The following GCNT1 variants were observed in gnomAD, a reference collection of about 807,000 sequenced individuals.
GCNT1 encodes the protein beta-1,3-galactosyl-O-glycosyl-glycoprotein beta-1,6-N-acetylglucosaminyltransferase.
Under a neutral mutation model 26.2 loss-of-function variants are expected in GCNT1, and 16 were observed. That is an observed-to-expected ratio of 0.61 (90% CI 0.41 to 0.93). The LOEUF (loss-of-function observed/expected upper bound fraction) is 0.93. Among genes scored for constraint, GCNT1 ranks in the 40% least tolerant of loss-of-function variants. The probability of loss-of-function intolerance (pLI) is 0.00; values close to 1 mark genes in which losing one functional copy is unlikely to be tolerated. For missense variants in GCNT1, 477 were observed against 526.7 expected (o/e 0.91, Z 0.92); for synonymous variants, 183 against 190.8 (o/e 0.96, Z 0.34).
At position 76,504,934 on chromosome 9, in the gene GCNT1, A is replaced by G; in HGVS notation, c.*1266A>G. The stretch of plus-strand genomic sequence containing the variant: ...ACAGATTTTTTTTTTTGTTTTTGGT[A>G]TCATTCACAGCATACGATTTTTACT... On this transcript the variant is annotated 3_prime_UTR_variant, in exon 4 of 4. Coordinates refer to ENST00000376730, the MANE Select transcript of GCNT1 (RefSeq NM_001490.5). The G allele has an allele frequency of 2.4e-6, 1 of 412,810 alleles. No individual in the cohort carries two copies. The highest frequency in any genetic ancestry group is 4.4e-6 in the Non-Finnish European group (1 of 226,014). 25.6% of individuals were successfully genotyped at this position (412,810 alleles called of 1,614,324 possible).
upstream of GCNT1, among the ~76,000 whole-genome samples, chr9:76,455,688 G>T (rs867512345): frequency 6.6e-6 from 1 of 151,916 alleles, no homozygotes; most frequent in South Asian, 2.1e-4. Context: ...TGGAACCTCC[G>T]CCTCCCAGAT....
the GCNT1 span, among the ~76,000 whole-genome samples, chr9:76,405,916 A>C: frequency 6.6e-6 from 1 of 152,220 alleles, no homozygotes; most frequent in Non-Finnish European, 1.5e-5. Context: ...CAAATAATAC[A>C]ATTGCTGGAT....
the GCNT1 span, among the ~76,000 whole-genome samples, chr9:76,414,048 G>C: frequency 6.6e-6 from 1 of 152,232 alleles, no homozygotes; most frequent in African/African-American, 2.4e-5. Context: ...TCTAATATTT[G>C]TCTTTGATTC....
chr9:76,485,094 C>A (rs1347900192), intron 2 of GCNT1, among the ~76,000 whole-genome samples: 7 of 152,104 alleles, frequency 4.6e-5, no homozygotes, highest in Admixed American at 1.3e-4. Flanking sequence ...ACCATGATTT[C>A]TTTTATTGTA....
chr9:76,461,592 A>AC (rs1050910459), intron 2 of GCNT1, among the ~76,000 whole-genome samples: 51 of 149,194 alleles, frequency 3.4e-4, no homozygotes, highest in East Asian at 2.4e-3. Context: ...CAAAAAAAAA[A>AC]ACACACACAA....
At chr9:76,478,850 A>G (rs1431357708) in intron 2 of GCNT1, among the ~76,000 whole-genome samples, 1 of 152,226 alleles carries the variant, frequency 6.6e-6, no homozygotes, top group Non-Finnish European at 1.5e-5. Flanking sequence ...TTCTAGCAAT[A>G]CATTTTATTT....
At chr9:76,466,309 T>A (rs780197953) in intron 2 of GCNT1, among the ~76,000 whole-genome samples, 18 of 152,136 alleles carry the variant, frequency 1.2e-4, no homozygotes, top group Non-Finnish European at 2.4e-4. Context: ...GGGATTTTGT[T>A]TGTTTTGTTT....
At chr9:76,485,929 C>T (rs1388276544) in intron 2 of GCNT1, among the ~76,000 whole-genome samples, 7 of 152,124 alleles carry the variant, frequency 4.6e-5, no homozygotes, top group South Asian at 2.1e-4. Flanking sequence ...GATGAGGTTT[C>T]GCCATATCGG....
rs181904408 is a variant in GCNT1 at position 76,506,430 on chromosome 9, G to T, written c.*2762G>T. 15 of 166,818 alleles carry T rather than the reference G, an allele frequency of 9.0e-5. No individual in the cohort carries two copies. Among genetic ancestry groups the T allele is most frequent in the African/African-American group, 3.6e-4 (15 of 41,542 alleles). 10.3% of individuals were successfully genotyped at this position (166,818 alleles called of 1,614,324 possible). A position where few individuals can be genotyped will look rare whatever the true frequency, so the allele number is the denominator to read the frequency against. On this transcript the variant is annotated 3_prime_UTR_variant, in exon 4 of 4. Transcript: ENST00000376730. Reference sequence around the variant, plus strand: ...TTGCACCTGTAATCCCAGTTACCTGGGAGGCTGAGGCAGGAGAATCTCTTG... The same window carrying T: ...TTGCACCTGTAATCCCAGTTACCTGTGAGGCTGAGGCAGGAGAATCTCTTG...
At chr9:76,394,221 G>T in the GCNT1 span, 1 of 1,539,968 alleles carries the variant, frequency 6.5e-7, no homozygotes, top group Admixed American at 2.0e-5. Context: ...CGCGTCCTGC[G>T]GAGCCGCCGT....
the GCNT1 span, among the ~76,000 whole-genome samples, chr9:76,414,287 A>G: frequency 6.6e-6 from 1 of 152,250 alleles, no homozygotes; most frequent in South Asian, 2.1e-4. Context: ...GACACCTTTC[A>G]ACAAAACAAC....
chr9:76,396,696 G>C, the GCNT1 span, among the ~76,000 whole-genome samples: 1 of 152,030 alleles, frequency 6.6e-6, no homozygotes, highest in African/African-American at 2.4e-5. Context: ...ACAAAAATTA[G>C]CCGGGAGTGG....
At chr9:76,455,312 T>G (rs546831264), upstream of GCNT1, among the ~76,000 whole-genome samples, 1 of 152,184 alleles carries the variant, frequency 6.6e-6, no homozygotes, top group East Asian at 1.9e-4. Context: ...AAAGCCTCAT[T>G]GAAGTTTGAT....
the GCNT1 span, chr9:76,393,973 G>C: frequency 1.1e-5 from 10 of 899,356 alleles, no homozygotes; most frequent in African/African-American, 1.7e-5. Flanking sequence ...AGGAGGAAGG[G>C]TGTGCTCTCT....
In GCNT1 at chr9:76,502,512, G is replaced by C; in HGVS notation, c.131G>C (p.Arg44Thr). The C allele has an allele frequency of 1.9e-6, 3 of 1,613,966 alleles. No homozygotes were observed. Among genetic ancestry groups the C allele is most frequent in the African/African-American group, 1.3e-5 (1 of 75,022 alleles). ...CAAAAGCCTGAATTTGTAAGTGTCAGACACTTGGAGCTTGCTGGGGAGAAT... is the reference window on the plus strand; with the variant it reads ...CAAAAGCCTGAATTTGTAAGTGTCACACACTTGGAGCTTGCTGGGGAGAAT... ...IHQKPEFVSV[R>T]HLELAGENPS... The change falls in exon 4 of 4, where the codon AGA (arginine) becomes ACA (threonine). Residue 44 changes from arginine to threonine, a missense_variant. Arg to Thr is a moderately conservative substitution (Grantham distance 71). Transcript: ENST00000376730.
the GCNT1 span, among the ~76,000 whole-genome samples, chr9:76,404,565 G>C: frequency 1.3e-5 from 2 of 152,154 alleles, no homozygotes; most frequent in Non-Finnish European, 2.9e-5. Context: ...ATAAAATCTG[G>C]CAGAAGTGAT....
At position 76,506,879 on chromosome 9, in the gene GCNT1, C is replaced by G. The variant is rs1301960175; in HGVS notation, c.*3211C>G. 6.0e-6 allele frequency: 1 copy of G among 167,052 alleles called. No homozygotes were observed. Among genetic ancestry groups the G allele is most frequent in the South Asian group, 2.1e-4 (1 of 4,812 alleles). The allele number at this position is 167,052 out of a possible 1,614,324, so 10.3% of individuals were successfully genotyped here. Reference sequence around the variant, plus strand: ...TCTCTGTAGGGTCGATTGAATTGGACCTTTTCAGTTGTTCAGAAAAATAAA... The same window carrying G: ...TCTCTGTAGGGTCGATTGAATTGGAGCTTTTCAGTTGTTCAGAAAAATAAA... On this transcript the variant is annotated 3_prime_UTR_variant, in exon 4 of 4. Coordinates refer to ENST00000376730, the MANE Select transcript of GCNT1 (RefSeq NM_001490.5).
the GCNT1 span, chr9:76,394,215 T>C: frequency 5.2e-6 from 8 of 1,546,332 alleles, no homozygotes; most frequent in Non-Finnish European, 7.0e-6. Context: ...GGTCTGCGCG[T>C]CCTGCGGAGC....
upstream of GCNT1, among the ~76,000 whole-genome samples, chr9:76,417,116 A>G (rs567337546): frequency 2.0e-4 from 30 of 152,322 alleles, no homozygotes; most frequent in South Asian, 6.2e-3. Flanking sequence ...CTAAACAATG[A>G]GTTAAGAAAT....
Sources: gnomAD v4.1 joint callset for allele counts (sites outside exome capture counted in the v4.1 genomes callset) on GRCh38, gnomAD v4.1.1 for gene constraint, MANE v1.5 for transcripts, NCBI Gene and HGNC (gene_info 2026-07-23, HGNC 2026-07-21) for gene names.